Variants in AFF3 observed in about 807,000 individuals in gnomAD.
AFF3 encodes the protein ALF transcription elongation factor 3.
In AFF3, 32 loss-of-function variants were observed where a neutral mutation model predicts 129.7. The observed-to-expected ratio is 0.25, with a 90% CI of 0.19 to 0.33. The LOEUF (loss-of-function observed/expected upper bound fraction) is 0.33. AFF3 is among the 10% of genes least tolerant of loss of function. The probability of loss-of-function intolerance (pLI) is 1.00; values close to 1 mark genes in which losing one functional copy is unlikely to be tolerated. For synonymous variants in AFF3, 644 were observed against 635.4 expected, an observed-to-expected ratio of 1.01 and a Z score of -0.20; for missense variants, 1,373 against 1,592.0, an observed-to-expected ratio of 0.86 and a Z score of 2.34.
At chr2:99,995,381 T>G (rs1482914943) in intron 7 of AFF3, among the ~76,000 whole-genome samples, 1 of 149,954 alleles carries the variant, frequency 6.7e-6, no homozygotes, top group Non-Finnish European at 1.5e-5. Flanking sequence ...ATCTATTCCT[T>G]TTTTTTTTTG....
chr2:100,044,617 G>A (rs930169252), intron 4 of AFF3, among the ~76,000 whole-genome samples: 12 of 151,924 alleles, frequency 7.9e-5, no homozygotes, highest in African/African-American at 2.9e-4. Flanking sequence ...TCCTTCGTGG[G>A]CTAGACAGAT....
rs1047265 is a variant in AFF3 at position 99,594,180 on chromosome 2, T to C, written c.1481A>G (p.Asn494Ser). ...CTCTTTCACCGGGTTGTAGTACTGA[T>C]TGCTCTCTGACCCGTGGCTTTCATT... Reference protein sequence around the residue: ...IQNESHGSESNQYYNPVKEDV... With the variant: ...IQNESHGSESSQYYNPVKEDV... The change falls in exon 15 of 25, where the codon AAT (asparagine) becomes AGT (serine). Residue 494 changes from asparagine to serine, a missense_variant. Physicochemically the swap from Asn to Ser is conservative, Grantham distance 46 (BLOSUM62 1). Around this residue, in one of 9 missense-constraint regions of AFF3, gnomAD observed 413 missense variants for 424.4 expected, o/e 0.97. Transcript: ENST00000672756. 0.2 allele frequency: 322,015 copies of C among 1,613,754 alleles called. 33,319 individuals are homozygous for C. Among genetic ancestry groups the C allele is most frequent in the South Asian group, 0.24 (21,689 of 91,028 alleles).
At chr2:99,786,344 T>G (rs779150794) in intron 8 of AFF3, among the ~76,000 whole-genome samples, 1 of 152,158 alleles carries the variant, frequency 6.6e-6, no homozygotes, top group Non-Finnish European at 1.5e-5. Context: ...CCACCATCAG[T>G]CCGCACACAC....
At chr2:99,995,301 T>C (rs1275944542) in intron 7 of AFF3, among the ~76,000 whole-genome samples, 1 of 152,176 alleles carries the variant, frequency 6.6e-6, no homozygotes, top group Non-Finnish European at 1.5e-5. Context: ...ATGCTGGGAT[T>C]TGACTATTTA....
chr2:99,837,534 A>G lies in AFF3; in HGVS notation c.874-10T>C. The G allele has an allele frequency of 6.2e-7, 1 of 1,612,694 alleles. No individual in the cohort carries two copies. Among genetic ancestry groups the G allele is most frequent in the South Asian group, 1.1e-5 (1 of 91,058 alleles). On this transcript the variant is annotated splice_polypyrimidine_tract_variant and intron_variant, in intron 7 of 24. Transcript: ENST00000672756. ...CTCCAGATCTACTCTCCTGAAAGCA[A>G]AGAAAAAAAAATTAAGCCTGATGGA...
intron 14 of AFF3, among the ~76,000 whole-genome samples, chr2:99,597,340 T>C (rs1487244325): frequency 2.0e-5 from 3 of 152,262 alleles, no homozygotes; most frequent in Non-Finnish European, 4.4e-5. Context: ...CAAACAGTAC[T>C]TGTTGCCCTC....
chr2:99,599,259 CT>C (rs1437499779), intron 14 of AFF3, among the ~76,000 whole-genome samples: 1 of 151,920 alleles, frequency 6.6e-6, no homozygotes, highest in African/African-American at 2.4e-5. Context: ...CTCTTTTTTT[CT>C]TTCTTTCTTT....
intron 4 of AFF3, among the ~76,000 whole-genome samples, chr2:100,067,486 T>C (rs571367138): frequency 6.6e-6 from 1 of 152,222 alleles, no homozygotes; most frequent in African/African-American, 2.4e-5. Context: ...AGGTCAGAAT[T>C]TTCTGGTAAA....
Position 99,551,348 on chromosome 2 carries a change from C to T in AFF3, c.*126G>A. ...ACATGCCCTGCAAAAGATCATTGTT[C>T]AATGCTGAGGAAATGTTCACCGCAG... On this transcript the variant is annotated 3_prime_UTR_variant, in exon 25 of 25. Coordinates refer to ENST00000672756, the MANE Select transcript of AFF3 (RefSeq NM_001386135.1). The T allele has an allele frequency of 1.5e-6, 2 of 1,326,370 alleles. No individual in the cohort carries two copies. The highest frequency in any genetic ancestry group is 5.3e-4 in the Middle Eastern group (2 of 3,740). The allele number at this position is 1,326,370 out of a possible 1,614,324, so 82.2% of individuals were successfully genotyped here. A position where few individuals can be genotyped will look rare whatever the true frequency, so the allele number is the denominator to read the frequency against.
intron 7 of AFF3, among the ~76,000 whole-genome samples, chr2:99,897,435 C>T (rs897310767): frequency 1.3e-5 from 2 of 152,126 alleles, no homozygotes; most frequent in Non-Finnish European, 2.9e-5. Context: ...GGCTATCAGG[C>T]CCCCTCAGAC....
chr2:99,745,288 T>C (rs925706392), intron 9 of AFF3, among the ~76,000 whole-genome samples: 1 of 152,240 alleles, frequency 6.6e-6, no homozygotes, highest in South Asian at 2.1e-4. Flanking sequence ...ACCACATTTA[T>C]GATTTGCAGT....
intron 18 of AFF3, among the ~76,000 whole-genome samples, chr2:99,576,663 T>C (rs916730862): frequency 6.6e-6 from 1 of 152,218 alleles, no homozygotes; most frequent in Non-Finnish European, 1.5e-5. Flanking sequence ...TTTGTGTGTA[T>C]ATACCATGCT....
intron 7 of AFF3, among the ~76,000 whole-genome samples, chr2:99,913,634 T>G (rs1279654504): frequency 2.0e-5 from 3 of 152,184 alleles, no homozygotes; most frequent in Admixed American, 1.3e-4. Context: ...AAATACCATG[T>G]CCGCAATCAA....
chr2:100,119,509 C>T (rs1028036229), intron 2 of AFF3, among the ~76,000 whole-genome samples: 5 of 152,196 alleles, frequency 3.3e-5, no homozygotes, highest in Non-Finnish European at 7.3e-5. Flanking sequence ...TCAATACAAG[C>T]AGCAAACAAT....
In AFF3 at chr2:100,106,282, T is replaced by C. The variant is rs190572181; in HGVS notation, c.-144-699A>G. On this transcript the variant is annotated intron_variant, in intron 2 of 24. Transcript: ENST00000672756. ...AAAATGAAATTGTTATTTTACAAGC[T>C]GATAACTCTCAGCCCTCAAAAACCC... 13 of 1,177,206 alleles carry C rather than the reference T, an allele frequency of 1.1e-5. No individual in the cohort carries two copies. The Admixed American group carries it at 1.9e-4, about 17-fold the overall frequency. 72.9% of individuals were successfully genotyped at this position (1,177,206 alleles called of 1,614,324 possible). A position where few individuals can be genotyped will look rare whatever the true frequency, so the allele number is the denominator to read the frequency against.
chr2:99,580,344 C>T (rs1677411264), intron 17 of AFF3, among the ~76,000 whole-genome samples: 1 of 152,132 alleles, frequency 6.6e-6, no homozygotes, highest in Non-Finnish European at 1.5e-5. Context: ...TGTCTGCTTT[C>T]CTGCTACAAC....
chr2:99,557,403 C>T (rs1367023631), intron 22 of AFF3, among the ~76,000 whole-genome samples: 2 of 151,936 alleles, frequency 1.3e-5, no homozygotes, highest in Non-Finnish European at 2.9e-5. Context: ...CCTCAGCCTC[C>T]CTAGTAGCTA....
intron 4 of AFF3, among the ~76,000 whole-genome samples, chr2:100,100,562 A>G (rs1690651598): frequency 6.6e-6 from 1 of 152,060 alleles, no homozygotes; most frequent in Non-Finnish European, 1.5e-5. Flanking sequence ...AGTCCCAAAT[A>G]TGGTCTCTTT....
chr2:99,869,075 G>GCTT (rs1691659516), intron 7 of AFF3, among the ~76,000 whole-genome samples: 1 of 152,090 alleles, frequency 6.6e-6, no homozygotes, highest in South Asian at 2.1e-4. Context: ...AGGATTACAG[G>GCTT]TGTGAGCCAC....
Sources: gnomAD v4.1 joint callset for allele counts (sites outside exome capture counted in the v4.1 genomes callset) on GRCh38, gnomAD v4.1.1 for gene constraint, gnomAD v4.1.1 regional missense constraint, MANE v1.5 for transcripts, NCBI Gene and HGNC (gene_info 2026-07-23, HGNC 2026-07-21) for gene names.